IGF2BP3: variants seen among roughly 807,000 people sequenced by gnomAD.
The protein encoded by IGF2BP3 is insulin like growth factor 2 mRNA binding protein 3, also known as insulin-like growth factor 2 mRNA-binding protein 3.
In IGF2BP3, 9 loss-of-function variants were observed where a neutral mutation model predicts 73.8. That is an observed-to-expected ratio of 0.12 (90% CI 0.07 to 0.21). IGF2BP3 has a LOEUF of 0.21. IGF2BP3 is among the 10% of genes least tolerant of loss of function. The pLI, the probability that IGF2BP3 is intolerant of heterozygous loss-of-function variation, is 1.00. For synonymous variants in IGF2BP3, 258 were observed against 256.7 expected, an observed-to-expected ratio of 1.01 and a Z score of -0.05; for missense variants, 542 against 714.0, an observed-to-expected ratio of 0.76 and a Z score of 2.75.
intron 2 of IGF2BP3, among the ~76,000 whole-genome samples, chr7:23,442,529 C>A (rs1787961020): frequency 6.6e-6 from 1 of 152,080 alleles, no homozygotes; most frequent in Non-Finnish European, 1.5e-5. Flanking sequence ...TCTGGAGTAG[C>A]TGGGATTACA....
chr7:23,312,447 T>C lies in IGF2BP3; in HGVS notation c.1655A>G (p.Lys552Arg). Residue 552 changes from lysine to arginine, a missense_variant, in exon 15 of 15, where the codon AAA becomes AGA. By Grantham distance (26) the Lys-to-Arg change is conservative (BLOSUM62 2). Coordinates refer to ENST00000258729, the MANE Select transcript of IGF2BP3 (RefSeq NM_006547.3). Reference sequence around the variant, plus strand: ...TACCTGAGTCAGAATTTCCTGAATTTTTCTCTGGGCAACCTAGAAAAGGAC... The same window carrying C: ...TACCTGAGTCAGAATTTCCTGAATTCTTCTCTGGGCAACCTAGAAAAGGAC... ...HFYACQVAQR[K>R]IQEILTQVKQ... 1.2e-6 allele frequency: 2 copies of C among 1,613,634 alleles called. No individual in the cohort carries two copies. The highest frequency in any genetic ancestry group is 1.7e-6 in the Non-Finnish European group (2 of 1,179,540).
intron 2 of IGF2BP3, among the ~76,000 whole-genome samples, chr7:23,441,555 AGAGT>A (rs1290951424): frequency 2.1e-5 from 3 of 144,744 alleles, no homozygotes; most frequent in African/African-American, 5.1e-5. Flanking sequence ...CCTGGGGACA[AGAGT>A]GAGACTCCAT....
Position 23,319,187 on chromosome 7 carries a change from T to C in IGF2BP3, c.1271A>G (p.Gln424Arg), listed in dbSNP as rs1583876724. 1 of 1,614,012 alleles carries C rather than the reference T, an allele frequency of 6.2e-7. No individual in the cohort carries two copies. ...AGAAAGCTGCTTGATGTGCTGGCCC[T>C]GCTTGCCGATGATGGCACCGACTGA... ...ALSVGAIIGK[Q>R]GQHIKQLSRF... The change falls in exon 11 of 15, where the codon CAG becomes CGG. Residue 424 changes from glutamine to arginine, a missense_variant. Around this residue, in one of 2 missense-constraint regions of IGF2BP3, gnomAD observed 303 missense variants for 472.1 expected, o/e 0.64. Transcript: ENST00000258729.
At chr7:23,389,312 C>T (rs528786228) in intron 3 of IGF2BP3, among the ~76,000 whole-genome samples, 4 of 152,034 alleles carry the variant, frequency 2.6e-5, no homozygotes, top group Non-Finnish European at 5.9e-5. Flanking sequence ...AGGCACACGC[C>T]ACTACACCCG....
In IGF2BP3 at chr7:23,433,709, T is replaced by C. The variant is rs1584040142; in HGVS notation, c.237-14885A>G. Among the ~76,000 whole-genome samples the C allele has an allele frequency of 2.0e-5, 3 of 152,096 alleles. No individual in the cohort carries two copies. The South Asian group carries it at 6.3e-4, about 32-fold the overall frequency. ...TATATATTTAGTTCATGTATTTCTA[T>C]TGAACAGAGCTTATCTAAAACTAAT... On this transcript the variant is annotated intron_variant, in intron 2 of 14. Transcript: ENST00000258729.
chr7:23,459,984 T>G (rs1327616290), intron 2 of IGF2BP3, among the ~76,000 whole-genome samples: 1 of 151,872 alleles, frequency 6.6e-6, no homozygotes, highest in African/African-American at 2.4e-5. Context: ...ATCCCAGCAC[T>G]TTGGGAGGCC....
At chr7:23,314,549 GTCCTGCCTTGGCC>G (rs1359481078) in intron 12 of IGF2BP3, among the ~76,000 whole-genome samples, 1 of 151,302 alleles carries the variant, frequency 6.6e-6, no homozygotes, top group Non-Finnish European at 1.5e-5. Context: ...GGGCTCAAGA[GTCCTGCCTTGGCC>G]TCCCAAAGTG....
intron 10 of IGF2BP3, among the ~76,000 whole-genome samples, chr7:23,334,184 A>C (rs764528842): frequency 1.5e-4 from 23 of 152,186 alleles, no homozygotes; most frequent in African/African-American, 2.2e-4. Flanking sequence ...AAAAGTACAA[A>C]AATTAGCTGG....
At position 23,427,348 on chromosome 7, in the gene IGF2BP3, C is replaced by T. The variant is rs541234250; in HGVS notation, c.237-8524G>A. ...AACTCAATAAAGTATCTATCATTGG[C>T]TTTTCCTCACTCCCCAATTCATTCT... On this transcript the variant is annotated intron_variant, in intron 2 of 14. Transcript: ENST00000258729. Among the ~76,000 whole-genome samples, 5 of 152,280 alleles carry T rather than the reference C, an allele frequency of 3.3e-5. No individual in the cohort carries two copies. In the South Asian group the frequency reaches 1.0e-3, roughly 32 times the overall value.
intron 3 of IGF2BP3, among the ~76,000 whole-genome samples, chr7:23,399,000 A>T (rs1786570951): frequency 6.6e-6 from 1 of 152,182 alleles, no homozygotes; most frequent in Admixed American, 6.5e-5. Context: ...TATGTCCTGA[A>T]TGGTATTGCC....
At chr7:23,410,244 C>G (rs1786977078) in intron 3 of IGF2BP3, among the ~76,000 whole-genome samples, 1 of 151,992 alleles carries the variant, frequency 6.6e-6, no homozygotes, top group Admixed American at 6.6e-5. Flanking sequence ...GTAGTCCCAG[C>G]TACTGGGGAG....
chr7:23,463,126 G>T (rs1457432622), intron 2 of IGF2BP3, among the ~76,000 whole-genome samples: 1 of 152,114 alleles, frequency 6.6e-6, no homozygotes, highest in African/African-American at 2.4e-5. Context: ...TCGTCTTTCC[G>T]CCTCTCCTTC....
chr7:23,468,550 C>G lies in IGF2BP3; in HGVS notation c.176-8G>C. ...CGTGCAGTTCTATTTTACCTGCGGA[C>G]ACACAAGAAGTGAGACGGTCGGCCG... On this transcript the variant is annotated splice_polypyrimidine_tract_variant and splice_region_variant and intron_variant, in intron 1 of 14. Transcript: ENST00000258729. 4 of 1,614,110 alleles carry G rather than the reference C, an allele frequency of 2.5e-6. No individual in the cohort carries two copies. Among genetic ancestry groups the G allele is most frequent in the Non-Finnish European group, 2.5e-6 (3 of 1,179,942 alleles).
intron 10 of IGF2BP3, among the ~76,000 whole-genome samples, chr7:23,329,776 C>T (rs1310163145): frequency 1.3e-5 from 2 of 152,188 alleles, no homozygotes; most frequent in Non-Finnish European, 2.9e-5. Context: ...AGGTGCTGTG[C>T]ATGACCTCAT....
intron 3 of IGF2BP3, among the ~76,000 whole-genome samples, chr7:23,379,058 A>G (rs1340870362): frequency 6.6e-6 from 1 of 152,252 alleles, no homozygotes; most frequent in African/African-American, 2.4e-5. Flanking sequence ...AAAGCGGACT[A>G]GTGGAGTCCC....
chr7:23,318,407 T>G (rs941093260), intron 11 of IGF2BP3, among the ~76,000 whole-genome samples: 1 of 152,040 alleles, frequency 6.6e-6, no homozygotes, highest in African/African-American at 2.4e-5. Context: ...TTTTTTTTTG[T>G]AGAGATGGGG....
chr7:23,413,619 C>T (rs1369337645), intron 3 of IGF2BP3: 2 of 152,160 alleles, frequency 1.3e-5, no homozygotes, highest in African/African-American at 4.8e-5. Context: ...TCCCAAAGCC[C>T]TACCCTTATC....
intron 10 of IGF2BP3, among the ~76,000 whole-genome samples, chr7:23,341,567 G>A (rs1784713142): frequency 1.3e-5 from 2 of 152,122 alleles, no homozygotes; most frequent in African/African-American, 4.8e-5. Flanking sequence ...TTACTCAGGA[G>A]GCTGAGGCAT....
chr7:23,312,489 A>G, intron 14 of IGF2BP3, 29 bp from the exon 15 acceptor site: 1 of 1,477,344 alleles, frequency 6.8e-7, no homozygotes, highest in Non-Finnish European at 9.5e-7. Flanking sequence ...TTGAAATTCC[A>G]CTTGATCAAA....
Sources: allele counts gnomAD v4.1 joint callset (sites outside exome capture counted in the v4.1 genomes callset), GRCh38; gene constraint gnomAD v4.1.1; regional missense constraint gnomAD v4.1.1; transcripts MANE v1.5; gene names NCBI Gene and HGNC (gene_info 2026-07-23, HGNC 2026-07-21).